Variants in FASLG observed in about 807,000 individuals in gnomAD.
FASLG encodes the protein Fas ligand.
Under a neutral mutation model 24.6 loss-of-function variants are expected in FASLG, and 9 were observed. The ratio of observed to expected loss-of-function variants is 0.37; its 90% CI spans 0.22 to 0.64. The LOEUF (loss-of-function observed/expected upper bound fraction) is 0.64, where lower values mean the gene tolerates loss of function less well. FASLG is among the 30% of genes least tolerant of loss of function. The probability of loss-of-function intolerance (pLI) is 0.64; values close to 1 mark genes in which losing one functional copy is unlikely to be tolerated. For missense variants in FASLG, 306 were observed against 345.3 expected (o/e 0.89, Z 0.90); for synonymous variants, 130 against 135.5 (o/e 0.96, Z 0.28).
In FASLG at chr1:172,666,616, G is replaced by GGGGT. The variant is rs1659274765; in HGVS notation, c.*601_*602insGGTG. On this transcript the variant is annotated 3_prime_UTR_variant, in exon 4 of 4. Coordinates refer to ENST00000367721, the MANE Select transcript of FASLG (RefSeq NM_000639.3). Reference sequence around the variant, plus strand: ...TGTGTATTTCCAGTGCAATTGTAGGGGTGTGTGTGTGTGTGTGTGTGTGTG... The same window carrying GGGGT: ...TGTGTATTTCCAGTGCAATTGTAGGGGGGTGTGTGTGTGTGTGTGTGTGTGTGTG... 1 of 150,074 alleles carries GGGGT rather than the reference G, an allele frequency of 6.7e-6. No homozygotes were observed. Among genetic ancestry groups the GGGGT allele is most frequent in the African/African-American group, 2.5e-5 (1 of 40,220 alleles). The allele number at this position is 150,074 out of a possible 1,614,324, so 9.3% of individuals were successfully genotyped here.
In FASLG at chr1:172,659,132, C is replaced by T. The variant is rs1285558865; in HGVS notation, c.-70C>T. ...GTCAGCAACAGGGTCCCGTCCTTGA[C>T]ACCTCAGCCTCTACAGGACTGAGAA... On this transcript the variant is annotated 5_prime_UTR_variant, in exon 1 of 4. Transcript: ENST00000367721. 2 of 1,607,532 alleles carry T rather than the reference C, an allele frequency of 1.2e-6. No individual in the cohort carries two copies. The highest frequency in any genetic ancestry group is 2.2e-5 in the East Asian group (1 of 44,702).
At position 172,666,016 on chromosome 1, in the gene FASLG, A is replaced by T; in HGVS notation, c.846A>T (p.Ter282TyrextTer23). The T allele has an allele frequency of 6.2e-7, 1 of 1,614,130 alleles. No homozygotes were observed. The highest frequency in any genetic ancestry group is 8.5e-7 in the Non-Finnish European group (1 of 1,180,034). Reference protein sequence around the residue: ...SQTFFGLYKL* With the variant: ...SQTFFGLYKLY ...CGTTTTTCGGCTTATATAAGCTCTAAGAGAAGCACTTTGGGATTCTTTCCA... is the reference window on the plus strand; with the variant it reads ...CGTTTTTCGGCTTATATAAGCTCTATGAGAAGCACTTTGGGATTCTTTCCA... The change falls in exon 4 of 4, where the codon TAA becomes TAT. Residue 282 changes from the stop codon to tyrosine, a stop_lost. Transcript: ENST00000367721.
At chr1:172,665,337 T>C (rs1209524129) in intron 3 of FASLG, among the ~76,000 whole-genome samples, 1 of 152,250 alleles carries the variant, frequency 6.6e-6, no homozygotes, top group African/African-American at 2.4e-5. Flanking sequence ...GTTCTGAAGA[T>C]AGTAAAATCT....
At position 172,665,697 on chromosome 1, in the gene FASLG, A is replaced by G. The variant is rs1347125362; in HGVS notation, c.527A>G (p.Tyr176Cys). Residue 176 changes from tyrosine (Y) to cysteine (C), a missense_variant, in exon 4 of 4, where the codon TAT becomes TGT. By Grantham distance (194) the Tyr-to-Cys change is radical. Transcript: ENST00000367721. ...ATTGTCCTGCTTTCTGGAGTGAAGT[A>G]TAAGAAGGGTGGCCTTGTGATCAAT... ...YGIVLLSGVK[Y>C]KKGGLVINET... The G allele has an allele frequency of 6.2e-7, 1 of 1,614,228 alleles. No individual in the cohort carries two copies. The highest frequency in any genetic ancestry group is 8.5e-7 in the Non-Finnish European group (1 of 1,180,032).
At chr1:172,663,047 G>GT (rs1006180030) in intron 2 of FASLG, among the ~76,000 whole-genome samples, 1 of 152,146 alleles carries the variant, frequency 6.6e-6, no homozygotes, top group Non-Finnish European at 1.5e-5. Context: ...CCATATGTGA[G>GT]TTTTACAGGC....
chr1:172,666,259 G>GTTTTT lies in FASLG; in HGVS notation c.*243_*244insTTTTT. On this transcript the variant is annotated 3_prime_UTR_variant, in exon 4 of 4. Coordinates refer to ENST00000367721, the MANE Select transcript of FASLG (RefSeq NM_000639.3). Reference sequence around the variant, plus strand: ...CTCTGGGCTGCCATGTGAAGAGGGAGAAGCATGAAAAAGCAGCTACCAGGT... The same window carrying GTTTTT: ...CTCTGGGCTGCCATGTGAAGAGGGAGTTTTTAAGCATGAAAAAGCAGCTACCAGGT... 1.9e-6 allele frequency: 1 copy of GTTTTT among 532,386 alleles called. No homozygotes were observed. The allele number at this position is 532,386 out of a possible 1,614,324, so 33.0% of individuals were successfully genotyped here.
rs1367979540 is a variant in FASLG, at chr1:172,664,350, C to A, written c.411C>A (p.Pro137=). 2.5e-6 allele frequency: 4 copies of A among 1,613,956 alleles called. No individual in the cohort carries two copies. The Middle Eastern group carries it at 6.6e-4, about 266-fold the overall frequency. ...LEKQIGHPSP[P]PEKKELRKVA... is the part of the protein sequence containing the mutation. ...ATGATACAGGCCACCCCAGTCCACCCCCTGAAAAAAAGGAGCTGAGGAAAG... is the reference window on the plus strand; with the variant it reads ...ATGATACAGGCCACCCCAGTCCACCACCTGAAAAAAAGGAGCTGAGGAAAG... Residue 137 remains proline (P), a synonymous_variant, in exon 3 of 4, where the codon CCC becomes CCA. Transcript: ENST00000367721.
At position 172,665,505 on chromosome 1, in the gene FASLG, G is replaced by C. The variant is rs1433979839; in HGVS notation, c.452-117G>C. 32 of 1,181,672 alleles carry C rather than the reference G, an allele frequency of 2.7e-5. No homozygotes were observed. The Admixed American group carries it at 3.3e-4, about 12-fold the overall frequency. The allele number at this position is 1,181,672 out of a possible 1,614,324, so 73.2% of individuals were successfully genotyped here. The stretch of plus-strand genomic sequence containing the variant: ...TGACCCCTCAGCCAGTTCTATACCA[G>C]CTGTCATTCTGGGTGAAACATTTGT... On this transcript the variant is annotated intron_variant, in intron 3 of 3. Coordinates refer to ENST00000367721, the MANE Select transcript of FASLG (RefSeq NM_000639.3).
chr1:172,663,254 T>C (rs914171032), intron 2 of FASLG, among the ~76,000 whole-genome samples: 2 of 152,218 alleles, frequency 1.3e-5, no homozygotes, highest in Non-Finnish European at 1.5e-5. Context: ...TGCCCTGTGT[T>C]AGAAACTGGG....
chr1:172,661,405 C>T (rs1659136607), intron 2 of FASLG, among the ~76,000 whole-genome samples: 1 of 152,130 alleles, frequency 6.6e-6, no homozygotes, highest in South Asian at 2.1e-4. Flanking sequence ...TGTCCTAATC[C>T]TTAAATGTTA....
At chr1:172,660,231 C>G in intron 2 of FASLG, 91 bp downstream of exon 2, 1 of 1,323,134 alleles carries the variant, frequency 7.6e-7, no homozygotes. Context: ...CTGTCCCACA[C>G]TTTGGTTTCT....
intron 3 of FASLG, 40 bp from the exon 4 acceptor site, chr1:172,665,582 G>A (rs767021687): frequency 2.5e-6 from 4 of 1,604,512 alleles, no homozygotes; most frequent in Non-Finnish European, 3.4e-6. Flanking sequence ...TTGGATGCAT[G>A]ACTATTCCTT....
At chr1:172,660,181 A>C in intron 2 of FASLG, 41 bp downstream of exon 2, 1 of 1,588,980 alleles carries the variant, frequency 6.3e-7, no homozygotes, top group South Asian at 1.1e-5. Flanking sequence ...CCCAAAGATG[A>C]TCCTCAGCAC....
Position 172,659,342 on chromosome 1 carries a change from A to G in FASLG, c.141A>G (p.Pro47=). 1.2e-6 allele frequency: 2 copies of G among 1,610,728 alleles called. No individual in the cohort carries two copies. The highest frequency in any genetic ancestry group is 1.7e-6 in the Non-Finnish European group (2 of 1,178,676). The change falls in exon 1 of 4, where the codon CCA becomes CCG. Residue 47 remains proline, a synonymous_variant. Transcript: ENST00000367721. ...PRRPGQRRPP[P]PPPPPPLPPP... Reference sequence around the variant, plus strand: ...GGCCTGGTCAAAGGAGGCCACCACCACCACCGCCACCGCCACCACTACCAC... The same window carrying G: ...GGCCTGGTCAAAGGAGGCCACCACCGCCACCGCCACCGCCACCACTACCAC...
rs764666301 is a variant in FASLG, at chr1:172,666,795, T to C, written c.*779T>C. 2 of 152,560 alleles carry C rather than the reference T, an allele frequency of 1.3e-5. No homozygotes were observed. The highest frequency in any genetic ancestry group is 2.9e-5 in the Non-Finnish European group (2 of 68,040). 9.5% of individuals were successfully genotyped at this position (152,560 alleles called of 1,614,324 possible). Reference sequence around the variant, plus strand: ...GTCAGCTACTAATGATGTTTTCCTATAATATAATAAATATTTATGTAGATG... The same window carrying C: ...GTCAGCTACTAATGATGTTTTCCTACAATATAATAAATATTTATGTAGATG... On this transcript the variant is annotated 3_prime_UTR_variant, in exon 4 of 4. Transcript: ENST00000367721.
rs373751425 is a variant in FASLG, at chr1:172,666,022, G to A, written c.*6G>A. ...TCGGCTTATATAAGCTCTAAGAGAA[G>A]CACTTTGGGATTCTTTCCATTATGA... On this transcript the variant is annotated 3_prime_UTR_variant, in exon 4 of 4. Coordinates refer to ENST00000367721, the MANE Select transcript of FASLG (RefSeq NM_000639.3). 4 of 1,614,002 alleles carry A rather than the reference G, an allele frequency of 2.5e-6. No individual in the cohort carries two copies. Among genetic ancestry groups the A allele is most frequent in the Middle Eastern group, 3.3e-4 (2 of 6,008 alleles).
chr1:172,660,465 TC>T (rs1164682036), intron 2 of FASLG, among the ~76,000 whole-genome samples: 4 of 152,154 alleles, frequency 2.6e-5, no homozygotes, highest in African/African-American at 9.7e-5. Flanking sequence ...TCCACAGACA[TC>T]CTGGTCCTGG....
chr1:172,660,264 G>A, intron 2 of FASLG, 124 bp downstream of exon 2: 2 of 935,460 alleles, frequency 2.1e-6, no homozygotes, highest in Admixed American at 1.9e-5. Flanking sequence ...AGGAATTCTG[G>A]CTAATTCAGA....
At chr1:172,663,934 T>C (rs987057754) in intron 2 of FASLG, among the ~76,000 whole-genome samples, 3 of 152,306 alleles carry the variant, frequency 2.0e-5, no homozygotes, top group African/African-American at 7.2e-5. Flanking sequence ...TGATGCTGAC[T>C]AGCTGGGTCT....
Sources: gnomAD v4.1 joint callset for allele counts (sites outside exome capture counted in the v4.1 genomes callset) on GRCh38, gnomAD v4.1.1 for gene constraint, MANE v1.5 for transcripts, NCBI Gene and HGNC (gene_info 2026-07-23, HGNC 2026-07-21) for gene names.